The following SESTD1 variants were observed in gnomAD, a reference collection of about 807,000 sequenced individuals.
SESTD1 encodes SEC14 and spectrin domain containing 1, also known as SEC14 domain and spectrin repeat-containing protein 1.
SESTD1 carries 43 observed loss-of-function variants against 101.7 expected under a neutral mutation model. The observed-to-expected ratio is 0.42, with a 90% confidence interval of 0.33 to 0.55. The LOEUF is 0.55. Among genes scored for constraint, SESTD1 ranks in the 20% least tolerant of loss-of-function variants. The pLI is 0.07. For synonymous variants in SESTD1, 283 were observed against 286.8 expected (o/e 0.99, Z 0.13); for missense variants, 647 against 815.1 (o/e 0.79, Z 2.51).
chr2:179,173,507 A>C (rs1318454791), intron 4 of SESTD1, among the ~76,000 whole-genome samples: 1 of 152,232 alleles, frequency 6.6e-6, no homozygotes, highest in Non-Finnish European at 1.5e-5. Flanking sequence ...TGTTAAATAA[A>C]TGAATCCTCA....
rs185241963 is a variant in SESTD1, at chr2:179,194,241, C to T, written c.-25-2375G>A. On this transcript the variant is annotated intron_variant, in intron 1 of 17. Transcript: ENST00000428443. Reference sequence around the variant, plus strand: ...TGATGTTGTTTTCCAGTGCCTCCTCCTTATCAGGGATTCTACTCCCCTTCT... The same window carrying T: ...TGATGTTGTTTTCCAGTGCCTCCTCTTTATCAGGGATTCTACTCCCCTTCT... Among the ~76,000 whole-genome samples the T allele has an allele frequency of 1.6e-4, 25 of 152,230 alleles. No homozygotes were observed. The East Asian group carries it at 4.1e-3, about 25-fold the overall frequency.
chr2:179,129,199 T>C (rs1177250129), intron 10 of SESTD1, among the ~76,000 whole-genome samples: 1 of 152,220 alleles, frequency 6.6e-6, no homozygotes, highest in Non-Finnish European at 1.5e-5. Context: ...AACTCAGCAC[T>C]ATGAGATGGT....
chr2:179,102,361 A>T lies in SESTD1; in HGVS notation c.*7538T>A, dbSNP rs556700077. On this transcript the variant is annotated 3_prime_UTR_variant, in exon 18 of 18. Coordinates refer to ENST00000428443, the MANE Select transcript of SESTD1 (RefSeq NM_178123.5). ...TAAACCTTTACAAAAAATAACTCAA[A>T]TTGATTCAAAGATGCAGAATTCATC... The T allele has an allele frequency of 1.3e-4, 20 of 152,254 alleles. No individual in the cohort carries two copies. The highest frequency in any genetic ancestry group is 4.6e-4 in the African/African-American group (19 of 41,526). The allele number at this position is 152,254 out of a possible 1,614,324, so 9.4% of individuals were successfully genotyped here.
intron 1 of SESTD1, among the ~76,000 whole-genome samples, chr2:179,256,210 C>T (rs774718065): frequency 8.5e-5 from 13 of 152,140 alleles, no homozygotes; most frequent in Non-Finnish European, 1.5e-4. Flanking sequence ...AAATACATTT[C>T]AAAGGCTATA....
At chr2:179,247,353 C>T (rs532517989) in intron 1 of SESTD1, among the ~76,000 whole-genome samples, 2 of 151,978 alleles carry the variant, frequency 1.3e-5, no homozygotes, top group East Asian at 3.9e-4. Flanking sequence ...GTTCTTATAA[C>T]ATTTACAAAA....
chr2:179,247,292 A>G (rs1378896493), intron 1 of SESTD1, among the ~76,000 whole-genome samples: 1 of 152,126 alleles, frequency 6.6e-6, no homozygotes, highest in Non-Finnish European at 1.5e-5. Context: ...GCCTAAGTCT[A>G]GATGCTGTAT....
At chr2:179,168,868 G>A (rs1179679655) in intron 5 of SESTD1, among the ~76,000 whole-genome samples, 1 of 152,212 alleles carries the variant, frequency 6.6e-6, no homozygotes, top group Non-Finnish European at 1.5e-5. Context: ...TGGGATGGAA[G>A]TATTGGAGAT....
chr2:179,123,398 CA>C (rs201013542), intron 12 of SESTD1, among the ~76,000 whole-genome samples: 2,358 of 152,242 alleles, frequency 0.015, 26 homozygotes, highest in Middle Eastern at 0.041. Flanking sequence ...GAACATTTCA[CA>C]GCTAATTACA....
At chr2:179,254,744 T>C (rs900101526) in intron 1 of SESTD1, among the ~76,000 whole-genome samples, 4 of 152,240 alleles carry the variant, frequency 2.6e-5, no homozygotes, top group Non-Finnish European at 5.9e-5. Flanking sequence ...CTCGATATAT[T>C]TGCCATGAAT....
At position 179,104,072 on chromosome 2, in the gene SESTD1, G is replaced by T. The variant is rs1198553177; in HGVS notation, c.*5827C>A. 6.6e-6 allele frequency: 1 copy of T among 151,880 alleles called. No homozygotes were observed. The highest frequency in any genetic ancestry group is 1.5e-5 in the Non-Finnish European group (1 of 67,946). The allele number at this position is 151,880 out of a possible 1,614,324, so 9.4% of individuals were successfully genotyped here. A position where few individuals can be genotyped will look rare whatever the true frequency, so the allele number is the denominator to read the frequency against. On this transcript the variant is annotated 3_prime_UTR_variant, in exon 18 of 18. Transcript: ENST00000428443. ...TGATAATTTTCATAACAAGATGTTG[G>T]GTAAAAATACAGGGTGCAATGTTTA...
chr2:179,185,450 T>G (rs1265344896), intron 2 of SESTD1, among the ~76,000 whole-genome samples: 1 of 143,822 alleles, frequency 7.0e-6, no homozygotes, highest in Non-Finnish European at 1.5e-5. Flanking sequence ...AATAGTAATA[T>G]ATAGTATATG....
chr2:179,166,818 G>A (rs1179692013), intron 5 of SESTD1, among the ~76,000 whole-genome samples: 1 of 152,182 alleles, frequency 6.6e-6, no homozygotes, highest in Admixed American at 6.5e-5. Context: ...TGAGAAGCCT[G>A]TGGTGCACTG....
intron 6 of SESTD1, 56 bp from the exon 7 acceptor site, chr2:179,149,450 T>C: frequency 8.3e-7 from 1 of 1,206,584 alleles, no homozygotes; most frequent in South Asian, 1.4e-5. Flanking sequence ...TAATATGTAA[T>C]AAGGATTGTC....
At chr2:179,160,244 C>A (rs1389078568) in intron 5 of SESTD1, among the ~76,000 whole-genome samples, 30 of 152,156 alleles carry the variant, frequency 2.0e-4, no homozygotes, top group Admixed American at 2.0e-3. Context: ...CCCTCAAAAT[C>A]ATATTGAGAT....
chr2:179,163,400 C>T (rs922301882), intron 5 of SESTD1, among the ~76,000 whole-genome samples: 9 of 152,032 alleles, frequency 5.9e-5, no homozygotes, highest in Non-Finnish European at 1.2e-4. Context: ...AATATTTATG[C>T]GTACCATTAA....
intron 1 of SESTD1, among the ~76,000 whole-genome samples, chr2:179,205,977 T>TA (rs530892715): frequency 6.7e-5 from 9 of 133,400 alleles, no homozygotes; most frequent in African/African-American, 8.9e-5. Context: ...GCACAGTCAT[T>TA]AAAAAAAACA....
intron 1 of SESTD1, among the ~76,000 whole-genome samples, chr2:179,239,745 G>A (rs573323752): frequency 6.6e-6 from 1 of 152,216 alleles, no homozygotes; most frequent in Non-Finnish European, 1.5e-5. Context: ...CACTACTAAC[G>A]CTTTATTCTT....
chr2:179,181,087 T>G (rs750746725), intron 3 of SESTD1, among the ~76,000 whole-genome samples: 12 of 152,102 alleles, frequency 7.9e-5, no homozygotes, highest in Non-Finnish European at 1.2e-4. Flanking sequence ...ATGCAGAAAC[T>G]GATTCATCAT....
intron 5 of SESTD1, among the ~76,000 whole-genome samples, chr2:179,162,754 G>A (rs907016052): frequency 4.0e-5 from 6 of 151,414 alleles, no homozygotes; most frequent in African/African-American, 7.3e-5. Context: ...TTGGGAGGCC[G>A]AGGCAGGTGG....
Sources: gnomAD v4.1 joint callset for allele counts (sites outside exome capture counted in the v4.1 genomes callset) on GRCh38, gnomAD v4.1.1 for gene constraint, MANE v1.5 for transcripts, NCBI Gene and HGNC (gene_info 2026-07-23, HGNC 2026-07-21) for gene names.